PADI6: variants seen among roughly 807,000 people sequenced by gnomAD.
The protein encoded by PADI6 is inactive protein-arginine deiminase type-6.
In PADI6, 66 loss-of-function variants were observed where a neutral mutation model predicts 78.2. The observed-to-expected ratio is 0.84, with a 90% CI of 0.69 to 1.04. PADI6 has a LOEUF of 1.04. Ranked by LOEUF, PADI6 falls within the 50% of genes least tolerant of loss-of-function variation. The probability of loss-of-function intolerance (pLI) is 0.00; values close to 1 mark genes in which losing one functional copy is unlikely to be tolerated. For missense variants in PADI6, 854 were observed against 866.1 expected, an observed-to-expected ratio of 0.99 and a Z score of 0.18; for synonymous variants, 397 against 346.9, an observed-to-expected ratio of 1.14 and a Z score of -1.60.
chr1:17,381,214 C>A, intron 5 of PADI6, 50 bp downstream of exon 5: 1 of 1,457,400 alleles, frequency 6.9e-7, no homozygotes, highest in Non-Finnish European at 9.4e-7. Flanking sequence ...CTTTGCTGCC[C>A]TGCTTCTCAG....
At chr1:17,380,622 C>T (rs916753951) in intron 4 of PADI6, among the ~76,000 whole-genome samples, 2 of 152,090 alleles carry the variant, frequency 1.3e-5, no homozygotes, top group East Asian at 1.9e-4. Context: ...CCACCTGCCT[C>T]GGCCTCCCGA....
In PADI6 at chr1:17,388,326, T is replaced by G. The variant is rs768606628; in HGVS notation, c.680-55T>G. 2.3e-4 allele frequency: 339 copies of G among 1,482,326 alleles called. 2 individuals carry two copies. Among genetic ancestry groups the G allele is most frequent in the Non-Finnish European group, 5.9e-5 (64 of 1,093,826 alleles). 91.8% of individuals were successfully genotyped at this position (1,482,326 alleles called of 1,614,324 possible). ...ATGAGCTGGTACCTTGACCATCAAA[T>G]GTGACCGGCACCAGGTTACTTCAGT... is the stretch of plus-strand genomic sequence containing the variant. On this transcript the variant is annotated intron_variant, in intron 6 of 15. Transcript: ENST00000619609.
At chr1:17,401,052 T>C (rs2075296693) in intron 15 of PADI6, among the ~76,000 whole-genome samples, 153 bp from the exon 16 acceptor site, 2 of 152,334 alleles carry the variant, frequency 1.3e-5, no homozygotes, top group Non-Finnish European at 2.9e-5. Context: ...ACAGCCATTG[T>C]AGGGCTAAGC....
chr1:17,376,975 C>T (rs1222673944), intron 3 of PADI6, among the ~76,000 whole-genome samples: 3 of 151,938 alleles, frequency 2.0e-5, no homozygotes, highest in Admixed American at 6.6e-5. Flanking sequence ...CAGCCTCAAA[C>T]GATCCTCTCA....
Position 17,381,304 on chromosome 1 carries a change from C to T in PADI6, c.553+140C>T, listed in dbSNP as rs1030806846. On this transcript the variant is annotated intron_variant, in intron 5 of 15. Coordinates refer to ENST00000619609, the MANE Select transcript of PADI6 (RefSeq NM_207421.4). ...GTCCCCATGCCTGGGCTGATCAAAC[C>T]TTTTGTCCTGAGTTGTAGATGTATA... 3 of 657,576 alleles carry T rather than the reference C, an allele frequency of 4.6e-6. 1 individual carries two copies. Among genetic ancestry groups the T allele is most frequent in the Non-Finnish European group, 2.6e-6 (1 of 384,182 alleles). 40.7% of individuals were successfully genotyped at this position (657,576 alleles called of 1,614,324 possible). A position where few individuals can be genotyped will look rare whatever the true frequency, so the allele number is the denominator to read the frequency against.
At chr1:17,382,346 G>C (rs2075080657) in intron 6 of PADI6, among the ~76,000 whole-genome samples, 1 of 152,202 alleles carries the variant, frequency 6.6e-6, no homozygotes, top group Non-Finnish European at 1.5e-5. Flanking sequence ...GGGGGTAGCT[G>C]TGCCTTCCCT....
At chr1:17,384,223 G>GC (rs1269257200) in intron 6 of PADI6, among the ~76,000 whole-genome samples, 5 of 152,126 alleles carry the variant, frequency 3.3e-5, no homozygotes, top group African/African-American at 7.2e-5. Flanking sequence ...TCTGAAACAT[G>GC]CTAAAGCTTG....
At chr1:17,376,519 TTTTTA>T (rs1166154210) in intron 3 of PADI6, among the ~76,000 whole-genome samples, 2 of 150,238 alleles carry the variant, frequency 1.3e-5, no homozygotes, top group Non-Finnish European at 3.0e-5. Flanking sequence ...GGGCTAATTT[TTTTTA>T]TTTTTAGTGG....
intron 6 of PADI6, among the ~76,000 whole-genome samples, 191 bp downstream of exon 6, chr1:17,382,283 G>A (rs1204527845): frequency 1.3e-5 from 2 of 152,172 alleles, no homozygotes; most frequent in African/African-American, 4.8e-5. Context: ...GGCTAAATCT[G>A]TACACATGGG....
At chr1:17,376,491 A>ATT (rs35174721) in intron 3 of PADI6, among the ~76,000 whole-genome samples, 24 of 148,392 alleles carry the variant, frequency 1.6e-4, no homozygotes, top group African/African-American at 5.5e-4. Context: ...TAGTGGGCTA[A>ATT]TTTTTTTTAT....
At chr1:17,381,864 G>A in intron 5 of PADI6, 103 bp from the exon 6 acceptor site, 1 of 1,367,350 alleles carries the variant, frequency 7.3e-7, no homozygotes, top group Non-Finnish European at 1.0e-6. Context: ...GGGGGTCCTT[G>A]GTGCTCTGTT....
rs765221080 is a variant in PADI6 at position 17,401,230 on chromosome 1, A to G, written c.1877A>G (p.Asn626Ser). 2 of 1,613,994 alleles carry G rather than the reference A, an allele frequency of 1.2e-6. No homozygotes were observed. The highest frequency in any genetic ancestry group is 4.5e-5 in the East Asian group (2 of 44,878). The part of the protein sequence containing the change: ...DLLRMIVMGK[N>S]LGIPKPFGPQ... ...TTGCGGATGATTGTGATGGGCAAGA[A>G]CCTGGGGATCCCCAAGCCTTTTGGG... The change falls in exon 16 of 16, where the codon AAC becomes AGC. Residue 626 changes from asparagine (N) to serine (S), a missense_variant. Physicochemically the swap from Asn to Ser is conservative, Grantham distance 46. Coordinates refer to ENST00000619609, the MANE Select transcript of PADI6 (RefSeq NM_207421.4).
At chr1:17,393,542 C>T (rs1363463369) in intron 9 of PADI6, among the ~76,000 whole-genome samples, 1 of 152,110 alleles carries the variant, frequency 6.6e-6, no homozygotes, top group Non-Finnish European at 1.5e-5. Flanking sequence ...GTCTTTTTCG[C>T]CCAGACTGGA....
In PADI6 at chr1:17,392,171, C is replaced by G. The variant is rs779152121; in HGVS notation, c.1020C>G (p.Asn340Lys). ...TGACGAAGCTGAGTGAGAAGAGCAA[C>G]AGCCAGGTGGCATCTGTCTATGAGG... ...DTVTKLSEKS[N>K]SQVASVYEDP... Residue 340 changes from asparagine (N) to lysine (K), a missense_variant, in exon 9 of 16, where the codon AAC (asparagine) becomes AAG (lysine). Physicochemically the swap from Asn to Lys is moderately conservative, Grantham distance 94 (BLOSUM62 0). Transcript: ENST00000619609. 6.4e-7 allele frequency: 1 copy of G among 1,561,850 alleles called. No individual in the cohort carries two copies. The highest frequency in any genetic ancestry group is 1.4e-5 in the African/African-American group (1 of 73,688).
Position 17,394,022 on chromosome 1 carries a change from C to G in PADI6, c.1122C>G (p.Ser374=). ...CCCAGGCTCCCCACAAGACAACGTC[C>G]TTGATCCTCGACACACCTCAGGCCG... ...CYTQAPHKTT[S]LILDTPQAAD... is the part of the protein sequence containing the mutation. Residue 374 remains serine, a synonymous_variant, in exon 10 of 16, where the codon TCC becomes TCG. Coordinates refer to ENST00000619609, the MANE Select transcript of PADI6 (RefSeq NM_207421.4). 6.2e-7 allele frequency: 1 copy of G among 1,613,960 alleles called. No homozygotes were observed. The highest frequency in any genetic ancestry group is 1.1e-5 in the South Asian group (1 of 91,074).
chr1:17,394,838 C>G (rs2075229360), intron 11 of PADI6, 113 bp from the exon 12 acceptor site: 1 of 1,313,230 alleles, frequency 7.6e-7, no homozygotes, highest in Non-Finnish European at 1.0e-6. Context: ...GGACCGGCCT[C>G]TTTCACACAA....
In PADI6 at chr1:17,382,072, C is replaced by T. The variant is rs766402946; in HGVS notation, c.659C>T (p.Ala220Val). ...ACCTCCAAGGAAGAGTCGAAGAAGG[C>T]GAGAGTCTACTGGCCCCAAAGTGAG... ...LHTSKEESKK[A>V]RVYWPQKDNS... Residue 220 changes from alanine to valine, a missense_variant, in exon 6 of 16, where the codon GCG becomes GTG. By Grantham distance (64) the Ala-to-Val change is moderately conservative. Transcript: ENST00000619609. The T allele has an allele frequency of 1.2e-5, 20 of 1,613,758 alleles. No homozygotes were observed. Among genetic ancestry groups the T allele is most frequent in the South Asian group, 2.2e-5 (2 of 91,072 alleles).
At chr1:17,386,318 C>CT (rs1440262871) in intron 6 of PADI6, among the ~76,000 whole-genome samples, 3 of 152,214 alleles carry the variant, frequency 2.0e-5, no homozygotes, top group Admixed American at 6.5e-5. Context: ...TCACAACAAA[C>CT]TATCTGTGAG....
chr1:17,390,163 G>A (rs1279216261), intron 8 of PADI6, among the ~76,000 whole-genome samples: 1 of 151,696 alleles, frequency 6.6e-6, no homozygotes, highest in African/African-American at 2.4e-5. Flanking sequence ...AGCCAGATGT[G>A]GTAGTGCATG....
Sources: gnomAD v4.1 joint callset for allele counts (sites outside exome capture counted in the v4.1 genomes callset) on GRCh38, gnomAD v4.1.1 for gene constraint, MANE v1.5 for transcripts, NCBI Gene and HGNC (gene_info 2026-07-23, HGNC 2026-07-21) for gene names.